Variants in EPHA6 observed in about 807,000 individuals in gnomAD.
EPHA6 encodes the protein EPH receptor A6.
Under a neutral mutation model 112.0 loss-of-function variants are expected in EPHA6, and 50 were observed. The ratio of observed to expected loss-of-function variants is 0.45; its 90% CI spans 0.36 to 0.56. The LOEUF (loss-of-function observed/expected upper bound fraction) is 0.56. EPHA6 is among the 20% of genes least tolerant of loss of function. The probability of loss-of-function intolerance (pLI) is 0.00; values close to 1 mark genes in which losing one functional copy is unlikely to be tolerated. For synonymous variants in EPHA6, 529 were observed against 490.7 expected, an observed-to-expected ratio of 1.08 and a Z score of -1.03; for missense variants, 1,280 against 1,417.4, an observed-to-expected ratio of 0.90 and a Z score of 1.56.
chr3:96,958,041 A>C (rs1206045830), intron 2 of EPHA6, among the ~76,000 whole-genome samples: 1 of 152,198 alleles, frequency 6.6e-6, no homozygotes, highest in Admixed American at 6.5e-5. Context: ...ACGTGACTCA[A>C]CTACTCATTG....
intron 2 of EPHA6, among the ~76,000 whole-genome samples, chr3:96,943,879 G>A (rs1312400454): frequency 2.0e-5 from 3 of 152,020 alleles, no homozygotes; most frequent in African/African-American, 4.8e-5. Flanking sequence ...AGATAAGAAA[G>A]GAATGAATTT....
At chr3:97,437,558 C>G (rs1180790945) in intron 6 of EPHA6, among the ~76,000 whole-genome samples, 1 of 152,164 alleles carries the variant, frequency 6.6e-6, no homozygotes, top group African/African-American at 2.4e-5. Context: ...TTGTTTTTAT[C>G]TAGCATTTAT....
chr3:97,509,592 G>A (rs995035180), intron 10 of EPHA6, among the ~76,000 whole-genome samples: 7 of 152,110 alleles, frequency 4.6e-5, no homozygotes, highest in East Asian at 3.9e-4. Flanking sequence ...TGGGTAGCCC[G>A]ACCTTTCTCT....
intron 13 of EPHA6, among the ~76,000 whole-genome samples, chr3:97,632,522 T>C (rs1244635413): frequency 2.0e-5 from 3 of 151,962 alleles, no homozygotes; most frequent in Non-Finnish European, 2.9e-5. Flanking sequence ...TCCTAGCACC[T>C]AGAATTACAG....
chr3:97,438,139 A>G (rs2089952967), intron 6 of EPHA6, among the ~76,000 whole-genome samples: 1 of 152,202 alleles, frequency 6.6e-6, no homozygotes, highest in African/African-American at 2.4e-5. Flanking sequence ...TTTTTAGTTG[A>G]ACATCATTGT....
intron 3 of EPHA6, among the ~76,000 whole-genome samples, chr3:97,067,276 C>A (rs1232252136): frequency 6.6e-6 from 1 of 151,990 alleles, no homozygotes; most frequent in East Asian, 1.9e-4. Flanking sequence ...TAGATGTTTA[C>A]CATGGACTGG....
chr3:97,355,451 G>A (rs2084022694), intron 5 of EPHA6, among the ~76,000 whole-genome samples: 2 of 151,990 alleles, frequency 1.3e-5, no homozygotes, highest in Admixed American at 6.6e-5. Context: ...GGGTTATGTT[G>A]TCATCAGTTT....
intron 11 of EPHA6, among the ~76,000 whole-genome samples, chr3:97,535,616 G>C (rs1057174093): frequency 2.0e-5 from 3 of 152,050 alleles, no homozygotes; most frequent in Non-Finnish European, 2.9e-5. Context: ...ATTATTCCAA[G>C]ATTACCCTTA....
At chr3:97,595,548 G>A (rs1350760434) in intron 12 of EPHA6, among the ~76,000 whole-genome samples, 1 of 152,092 alleles carries the variant, frequency 6.6e-6, no homozygotes, top group African/African-American at 2.4e-5. Flanking sequence ...GGGAGGCTGA[G>A]GCAGAGGAAT....
intron 14 of EPHA6, among the ~76,000 whole-genome samples, chr3:97,644,242 A>G (rs917905156): frequency 5.3e-5 from 8 of 151,694 alleles, no homozygotes; most frequent in Admixed American, 2.0e-4. Flanking sequence ...GAAACCAACG[A>G]GAACAAAGAC....
intron 5 of EPHA6, among the ~76,000 whole-genome samples, chr3:97,368,638 T>C (rs2084878013): frequency 6.6e-6 from 1 of 152,190 alleles, no homozygotes; most frequent in Non-Finnish European, 1.5e-5. Flanking sequence ...TCAGAATGAA[T>C]GAATTAATGA....
rs115968132 is a variant in EPHA6, at chr3:97,246,544, G to A, written c.1606+2257G>A. Among the ~76,000 whole-genome samples the A allele has an allele frequency of 3.1e-3, 474 of 151,432 alleles. 19 individuals are homozygous for A. In the East Asian group the frequency reaches 0.064, roughly 21 times the overall value. On this transcript the variant is annotated intron_variant, in intron 5 of 17. Coordinates refer to ENST00000389672, the MANE Select transcript of EPHA6 (RefSeq NM_001080448.3). The stretch of plus-strand genomic sequence containing the variant: ...TATATTGGAACTATATATTCTGGAA[G>A]GATAATATCATTAAGCAATTTGTTC...
intron 11 of EPHA6, among the ~76,000 whole-genome samples, chr3:97,591,620 T>C (rs1388667442): frequency 1.3e-5 from 2 of 152,170 alleles, no homozygotes; most frequent in Non-Finnish European, 1.5e-5. Context: ...CCGTATCAGT[T>C]ACCAGTGATG....
rs150429700 is a variant in EPHA6, at chr3:97,592,238, C to T, written c.2387-374C>T. Reference sequence around the variant, plus strand: ...TGTTATAGCATATATCAGATCTTATCGTGGCTATTTTCTGCATGCCTGTAA... The same window carrying T: ...TGTTATAGCATATATCAGATCTTATTGTGGCTATTTTCTGCATGCCTGTAA... On this transcript the variant is annotated intron_variant, in intron 11 of 17. Coordinates refer to ENST00000389672, the MANE Select transcript of EPHA6 (RefSeq NM_001080448.3). Among the ~76,000 whole-genome samples the T allele has an allele frequency of 5.4e-4, 82 of 152,272 alleles. 1 individual carries two copies. In the East Asian group the frequency reaches 0.015, roughly 28 times the overall value.
chr3:97,120,269 T>G (rs990444868), intron 3 of EPHA6, among the ~76,000 whole-genome samples: 4 of 151,990 alleles, frequency 2.6e-5, no homozygotes, highest in Non-Finnish European at 5.9e-5. Flanking sequence ...ATCTGTATAT[T>G]TTTAAGATAA....
intron 5 of EPHA6, among the ~76,000 whole-genome samples, chr3:97,285,770 T>G (rs924108072): frequency 6.6e-6 from 1 of 152,094 alleles, no homozygotes. Context: ...GGTAGTTCTA[T>G]TCTTAGTTTT....
At chr3:97,062,310 T>C (rs1019556481) in intron 3 of EPHA6, among the ~76,000 whole-genome samples, 10 of 151,666 alleles carry the variant, frequency 6.6e-5, no homozygotes, top group African/African-American at 2.4e-4. Flanking sequence ...TAAGAAGAGA[T>C]TGGCTAATAA....
At chr3:97,403,448 A>T (rs1265924880) in intron 5 of EPHA6, among the ~76,000 whole-genome samples, 1 of 151,960 alleles carries the variant, frequency 6.6e-6, no homozygotes, top group African/African-American at 2.4e-5. Context: ...TCTTAAAGTT[A>T]TTTATTTGTT....
At chr3:97,600,967 AT>A (rs2107405827) in intron 12 of EPHA6, among the ~76,000 whole-genome samples, 1 of 152,044 alleles carries the variant, frequency 6.6e-6, no homozygotes, top group East Asian at 1.9e-4. Flanking sequence ...TATTTTCAGA[AT>A]TTTTAAATAG....
Sources: gnomAD v4.1 joint callset for allele counts (sites outside exome capture counted in the v4.1 genomes callset) on GRCh38, gnomAD v4.1.1 for gene constraint, MANE v1.5 for transcripts, NCBI Gene and HGNC (gene_info 2026-07-23, HGNC 2026-07-21) for gene names.